Variants in ZNF469 observed in about 807,000 individuals in gnomAD.
ZNF469 encodes the protein zinc finger protein 469.
Under a neutral mutation model 1.0 loss-of-function variants are expected in ZNF469, and 1 was observed. That is an observed-to-expected ratio of 1.00 (90% CI 0.35 to 4.73). The LOEUF is 4.73. ZNF469 is among the 30% of genes most tolerant of loss of function. ZNF469 has a pLI of 0.16. For synonymous variants in ZNF469, 2,703 were observed against 2,363.4 expected (o/e 1.14, Z -4.17); for missense variants, 6,100 against 5,356.3 (o/e 1.14, Z -4.33).
At chr16:88,226,982 G>GACCTCCACACTTT in the ZNF469 span, among the ~76,000 whole-genome samples, 1 of 151,414 alleles carries the variant, frequency 6.6e-6, no homozygotes, top group Admixed American at 6.6e-5. Flanking sequence ...TCCGCGCCGG[G>GACCTCCACACTTT]GCCTGCGCGT....
the ZNF469 span, among the ~76,000 whole-genome samples, chr16:88,127,062 A>G: frequency 6.6e-6 from 1 of 152,174 alleles, no homozygotes; most frequent in Non-Finnish European, 1.5e-5. Flanking sequence ...ACCTCAGGTG[A>G]TCCGTCCGCC....
the ZNF469 span, among the ~76,000 whole-genome samples, chr16:88,238,401 G>T: frequency 2.0e-5 from 3 of 152,192 alleles, no homozygotes; most frequent in Non-Finnish European, 2.9e-5. Context: ...AAAGTGGGAC[G>T]CAGAGACCCT....
At chr16:88,235,758 T>TGAGCCA in the ZNF469 span, among the ~76,000 whole-genome samples, 1 of 152,280 alleles carries the variant, frequency 6.6e-6, no homozygotes, top group African/African-American at 2.4e-5. Context: ...AGAGTTATTC[T>TGAGCCA]GAGCCAGATG....
At chr16:88,103,727 C>T in the ZNF469 span, among the ~76,000 whole-genome samples, 151 of 150,564 alleles carry the variant, frequency 1.0e-3, no homozygotes, top group African/African-American at 3.3e-3. Flanking sequence ...CTCCATGGCA[C>T]GAGGGAGCGG....
chr16:88,215,702 T>A, the ZNF469 span, among the ~76,000 whole-genome samples: 62,170 of 151,476 alleles, frequency 0.41, 13,285 homozygotes, highest in Non-Finnish European at 0.48. Flanking sequence ...CCTTTTTTTT[T>A]AAATCAATAA....
At chr16:88,117,759 T>C in the ZNF469 span, among the ~76,000 whole-genome samples, 4 of 152,210 alleles carry the variant, frequency 2.6e-5, no homozygotes, top group South Asian at 4.1e-4. Context: ...CCCAGTTTCT[T>C]GGAGCCCCGG....
Position 88,433,802 on chromosome 16 carries a change from C to T in ZNF469, c.6332C>T (p.Ala2111Val), listed in dbSNP as rs923524530. 2 of 1,549,598 alleles carry T rather than the reference C, an allele frequency of 1.3e-6. No homozygotes were observed. The highest frequency in any genetic ancestry group is 2.7e-5 in the African/African-American group (2 of 73,028). The change falls in exon 3 of 3, where the codon GCC becomes GTC. Residue 2111 changes from alanine (A) to valine (V), a missense_variant. Ala to Val is a moderately conservative substitution (Grantham distance 64). Coordinates refer to ENST00000565624, the MANE Select transcript of ZNF469 (RefSeq NM_001367624.2). Reference sequence around the variant, plus strand: ...CCAGCACCCTCTGTCGGGGACCTGGCCGCCTGCGCCCCCTCACCCACTTCA... The same window carrying T: ...CCAGCACCCTCTGTCGGGGACCTGGTCGCCTGCGCCCCCTCACCCACTTCA... Reference protein sequence around the residue: ...DSPAPSVGDLAACAPSPTSAA... With the variant: ...DSPAPSVGDLVACAPSPTSAA...
the ZNF469 span, among the ~76,000 whole-genome samples, chr16:88,319,205 C>T: frequency 1.3e-5 from 2 of 152,234 alleles, no homozygotes; most frequent in African/African-American, 4.8e-5. Context: ...GTCTGGCTGC[C>T]CACACTGTCC....
At chr16:88,125,752 A>G in the ZNF469 span, among the ~76,000 whole-genome samples, 1 of 152,060 alleles carries the variant, frequency 6.6e-6, no homozygotes, top group Non-Finnish European at 1.5e-5. Flanking sequence ...ATTCACTTGC[A>G]AATGATATTT....
At chr16:88,357,869 C>T in the ZNF469 span, among the ~76,000 whole-genome samples, 5 of 152,002 alleles carry the variant, frequency 3.3e-5, no homozygotes, top group Admixed American at 2.6e-4. Flanking sequence ...CCGGAGGGAG[C>T]CGGTGGCAGG....
In ZNF469 at chr16:88,429,648, G is replaced by A. The variant is rs746849844; in HGVS notation, c.2178G>A (p.Gln726=). Residue 726 remains glutamine, a synonymous_variant, in exon 3 of 3, where the codon CAG becomes CAA. Transcript: ENST00000565624. The part of the protein sequence containing the change: ...HFSLSSASLD[Q]LDVLLTCRQC... ...CCCTCAGCAGCGCCAGCCTGGACCA[G>A]CTGGACGTGCTGCTGACCTGCAGGC... The A allele has an allele frequency of 9.7e-6, 15 of 1,542,612 alleles. No homozygotes were observed. In the South Asian group the frequency reaches 1.7e-4, roughly 17 times the overall value.
chr16:88,373,981 C>T, the ZNF469 span, among the ~76,000 whole-genome samples: 1 of 150,288 alleles, frequency 6.7e-6, no homozygotes, highest in Non-Finnish European at 1.5e-5. Context: ...GCCTGGGCAA[C>T]AGAGTGAGAC....
chr16:88,292,176 G>A, the ZNF469 span, among the ~76,000 whole-genome samples: 1 of 152,142 alleles, frequency 6.6e-6, no homozygotes, highest in Admixed American at 6.5e-5. Flanking sequence ...AGGGGCCCTG[G>A]AGTCACCTGC....
upstream of ZNF469, among the ~76,000 whole-genome samples, chr16:88,378,743 T>C (rs2092514747): frequency 6.6e-6 from 1 of 152,198 alleles, no homozygotes; most frequent in South Asian, 2.1e-4. Context: ...TGGGATGGGC[T>C]CTTTGCATCC....
In ZNF469 at chr16:88,437,069, G is replaced by T. The variant is rs1224173978; in HGVS notation, c.9599G>T (p.Arg3200Leu). ...YNEHLREHAV[R>L]FARRGQARRS... ...GAGCACCTGCGTGAGCACGCGGTCC[G>T]CTTCGCCCGCAGGGGGCAGGCGCGG... Residue 3200 changes from arginine (R) to leucine (L), a missense_variant, in exon 3 of 3, where the codon CGC becomes CTC. Physicochemically the swap from Arg to Leu is moderately radical, Grantham distance 102. Coordinates refer to ENST00000565624, the MANE Select transcript of ZNF469 (RefSeq NM_001367624.2). 2.6e-6 allele frequency: 4 copies of T among 1,540,936 alleles called. No individual in the cohort carries two copies. Among genetic ancestry groups the T allele is most frequent in the Non-Finnish European group, 3.5e-6 (4 of 1,144,506 alleles).
chr16:88,120,703 C>T, the ZNF469 span, among the ~76,000 whole-genome samples: 3 of 152,352 alleles, frequency 2.0e-5, no homozygotes, highest in South Asian at 2.1e-4. Context: ...CGTCAGGACA[C>T]GTGGCAGCTC....
the ZNF469 span, among the ~76,000 whole-genome samples, chr16:88,140,955 A>C: frequency 6.6e-6 from 1 of 152,050 alleles, no homozygotes; most frequent in Non-Finnish European, 1.5e-5. Context: ...AAACAAAAAA[A>C]CAAAAAAATC....
At position 88,406,139 on chromosome 16, in the gene ZNF469, C is replaced by T. The variant is rs139137398; in HGVS notation, c.-191-18668C>T. ...CACCGTGTCCAGCCAGGCCCGACGACCTGCCCGGCCTCGCCAAAGGTGGGA... is the reference window on the plus strand; with the variant it reads ...CACCGTGTCCAGCCAGGCCCGACGATCTGCCCGGCCTCGCCAAAGGTGGGA... On this transcript the variant is annotated intron_variant, in intron 1 of 2. Coordinates refer to ENST00000565624, the MANE Select transcript of ZNF469 (RefSeq NM_001367624.2). Among the ~76,000 whole-genome samples, 878 of 152,374 alleles carry T rather than the reference C, an allele frequency of 5.8e-3. 7 individuals carry two copies. The highest frequency in any genetic ancestry group is 0.027 in the Middle Eastern group (8 of 294).
the ZNF469 span, among the ~76,000 whole-genome samples, chr16:88,341,512 G>A: frequency 2.0e-5 from 3 of 152,246 alleles, no homozygotes; most frequent in African/African-American, 7.2e-5. Context: ...GCTCTCTGAC[G>A]TAATCCCAAT....
Sources: allele counts gnomAD v4.1 joint callset (sites outside exome capture counted in the v4.1 genomes callset), GRCh38; gene constraint gnomAD v4.1.1; transcripts MANE v1.5; gene names NCBI Gene and HGNC (gene_info 2026-07-23, HGNC 2026-07-21).